Variants in SLC9A9 observed in about 807,000 individuals in gnomAD.
SLC9A9 encodes the protein solute carrier family 9 member A9.
Under a neutral mutation model 77.8 loss-of-function variants are expected in SLC9A9, and 62 were observed. The observed-to-expected ratio is 0.80, with a 90% CI of 0.65 to 0.98. The LOEUF (loss-of-function observed/expected upper bound fraction) is 0.98. Ranked by LOEUF, SLC9A9 falls within the 50% of genes least tolerant of loss-of-function variation. The probability of loss-of-function intolerance (pLI) is 0.00; values close to 1 mark genes in which losing one functional copy is unlikely to be tolerated. For missense variants in SLC9A9, 775 were observed against 774.9 expected (o/e 1.00, Z 0.00); for synonymous variants, 320 against 283.5 (o/e 1.13, Z -1.29).
chr3:143,705,004 T>TATCTATCTATCC (rs1933922644), intron 4 of SLC9A9, among the ~76,000 whole-genome samples: 2 of 36,120 alleles, frequency 5.5e-5, no homozygotes, highest in Non-Finnish European at 1.3e-4. Context: ...AATATCTATC[T>TATCTATCTATCC]ATCTATCTAT....
intron 1 of SLC9A9, among the ~76,000 whole-genome samples, chr3:143,834,410 G>A (rs1396776656): frequency 6.6e-6 from 1 of 151,998 alleles, no homozygotes; most frequent in African/African-American, 2.4e-5. Context: ...TGCTTAGAAA[G>A]GATTTAATTC....
chr3:143,408,904 G>A (rs1487248594), intron 12 of SLC9A9, among the ~76,000 whole-genome samples: 5 of 152,124 alleles, frequency 3.3e-5, no homozygotes, highest in Non-Finnish European at 7.3e-5. Context: ...CACTAGCCAG[G>A]AAACATGGGA....
chr3:143,702,519 T>C (rs1262244805), intron 4 of SLC9A9, among the ~76,000 whole-genome samples: 3 of 151,356 alleles, frequency 2.0e-5, no homozygotes, highest in East Asian at 1.9e-4. Flanking sequence ...AGTTACAAGA[T>C]AGTATTTGCA....
intron 12 of SLC9A9, among the ~76,000 whole-genome samples, chr3:143,427,652 G>T (rs556097584): frequency 1.3e-5 from 2 of 152,304 alleles, no homozygotes; most frequent in Admixed American, 1.3e-4. Flanking sequence ...AACTGAGCTG[G>T]CATTTCATCC....
chr3:143,281,943 A>G (rs1938233090), intron 14 of SLC9A9, among the ~76,000 whole-genome samples: 1 of 152,176 alleles, frequency 6.6e-6, no homozygotes, highest in African/African-American at 2.4e-5. Flanking sequence ...AGTTTCTGAT[A>G]AAGGGGAATC....
intron 4 of SLC9A9, among the ~76,000 whole-genome samples, chr3:143,714,302 C>G (rs549850707): frequency 6.6e-6 from 1 of 152,242 alleles, no homozygotes; most frequent in South Asian, 2.1e-4. Flanking sequence ...TATCCAGAAC[C>G]CTGGCATTAT....
intron 4 of SLC9A9, among the ~76,000 whole-genome samples, chr3:143,736,671 T>G (rs1278006818): frequency 6.6e-6 from 1 of 152,224 alleles, no homozygotes; most frequent in African/African-American, 2.4e-5. Flanking sequence ...TTAGTTCTCA[T>G]AATGTTCAAA....
At chr3:143,747,661 G>C (rs57235093) in intron 4 of SLC9A9, among the ~76,000 whole-genome samples, 3,172 of 152,262 alleles carry the variant, frequency 0.021, 116 homozygotes, top group African/African-American at 0.072. Flanking sequence ...GCGGCTGCCA[G>C]AAGCTGGAAG....
At chr3:143,388,188 A>G (rs192152424) in intron 12 of SLC9A9, among the ~76,000 whole-genome samples, 1 of 152,316 alleles carries the variant, frequency 6.6e-6, no homozygotes, top group East Asian at 1.9e-4. Context: ...AGCCATGAGA[A>G]TATCACTTGG....
intron 4 of SLC9A9, among the ~76,000 whole-genome samples, chr3:143,789,226 C>T (rs930814733): frequency 1.3e-5 from 2 of 152,072 alleles, no homozygotes; most frequent in South Asian, 2.1e-4. Context: ...TTACGGCCAC[C>T]CTGAGTGCAT....
chr3:143,309,924 G>A (rs11713667), intron 14 of SLC9A9, among the ~76,000 whole-genome samples: 3,748 of 152,228 alleles, frequency 0.025, 57 homozygotes, highest in Middle Eastern at 0.065. Context: ...AACCACCCTC[G>A]TCTATGTTGC....
chr3:143,618,083 C>T (rs990772327), intron 6 of SLC9A9, among the ~76,000 whole-genome samples: 17 of 152,180 alleles, frequency 1.1e-4, no homozygotes, highest in African/African-American at 3.9e-4. Flanking sequence ...GGAATATTTG[C>T]ATGACAGCCA....
chr3:143,370,219 A>G (rs930479201), intron 13 of SLC9A9, among the ~76,000 whole-genome samples: 5 of 152,248 alleles, frequency 3.3e-5, no homozygotes, highest in African/African-American at 1.2e-4. Context: ...TGTGAAAGGT[A>G]TTGAAATAAC....
intron 2 of SLC9A9, among the ~76,000 whole-genome samples, chr3:143,829,915 C>A (rs1480457761): frequency 6.6e-6 from 1 of 152,140 alleles, no homozygotes; most frequent in Non-Finnish European, 1.5e-5. Context: ...AAGCTCCTCA[C>A]TTCACAAATA....
intron 12 of SLC9A9, among the ~76,000 whole-genome samples, chr3:143,399,322 C>T (rs1435492356): frequency 6.6e-6 from 1 of 152,090 alleles, no homozygotes; most frequent in African/African-American, 2.4e-5. Context: ...TTTCTCTGGT[C>T]AAATCTGTTA....
At chr3:143,845,639 G>A (rs1261934821) in intron 1 of SLC9A9, among the ~76,000 whole-genome samples, 1 of 152,144 alleles carries the variant, frequency 6.6e-6, no homozygotes, top group African/African-American at 2.4e-5. Context: ...CTGGGATTCA[G>A]CTTCTGCCTC....
rs984096715 is a variant in SLC9A9, at chr3:143,571,394, A to C, written c.1000+2694T>G. On this transcript the variant is annotated intron_variant, in intron 8 of 15. Transcript: ENST00000316549. ...TGTGCATTAGAACTAAAATGATTTT[A>C]TTATTACATGGAAATAATTACAGAA... Among the ~76,000 whole-genome samples, 8 of 152,174 alleles carry C rather than the reference A, an allele frequency of 5.3e-5. No individual in the cohort carries two copies. The South Asian group carries it at 1.4e-3, about 28-fold the overall frequency.
chr3:143,607,410 A>G (rs1004619957), intron 6 of SLC9A9, among the ~76,000 whole-genome samples: 2 of 152,146 alleles, frequency 1.3e-5, no homozygotes, highest in Non-Finnish European at 2.9e-5. Flanking sequence ...GTAACCACTA[A>G]TTGTAAAATA....
intron 14 of SLC9A9, among the ~76,000 whole-genome samples, chr3:143,324,158 G>T (rs2031505947): frequency 6.6e-6 from 1 of 152,006 alleles, no homozygotes; most frequent in Non-Finnish European, 1.5e-5. Context: ...ATTGGGAGGG[G>T]GTAGAGGGAG....
Sources: gnomAD v4.1 joint callset for allele counts (sites outside exome capture counted in the v4.1 genomes callset) on GRCh38, gnomAD v4.1.1 for gene constraint, MANE v1.5 for transcripts, NCBI Gene and HGNC (gene_info 2026-07-23, HGNC 2026-07-21) for gene names.